The following EFR3A variants were observed in gnomAD, a reference collection of about 807,000 sequenced individuals.
The protein encoded by EFR3A is EFR3 homolog A.
Under a neutral mutation model 104.4 loss-of-function variants are expected in EFR3A, and 76 were observed. The ratio of observed to expected loss-of-function variants is 0.73; its 90% CI spans 0.60 to 0.88. The LOEUF (loss-of-function observed/expected upper bound fraction) is 0.88. Among genes scored for constraint, EFR3A ranks in the 40% least tolerant of loss-of-function variants. The pLI, the probability that EFR3A is intolerant of heterozygous loss-of-function variation, is 0.00. For synonymous variants in EFR3A, 330 were observed against 330.0 expected (o/e 1.00, Z 0.00); for missense variants, 985 against 1,012.5 (o/e 0.97, Z 0.37).
chr8:131,941,158 G>A (rs758949890), intron 2 of EFR3A, among the ~76,000 whole-genome samples: 1 of 151,872 alleles, frequency 6.6e-6, no homozygotes, highest in Non-Finnish European at 1.5e-5. Flanking sequence ...AGAACTGAGA[G>A]GTAAAGAAAG....
At chr8:131,910,421 G>A (rs113738890) in intron 1 of EFR3A, among the ~76,000 whole-genome samples, 16,727 of 152,160 alleles carry the variant, frequency 0.11, 1,066 homozygotes, top group South Asian at 0.22. Flanking sequence ...ACAGGTGTGC[G>A]CCACCACGCC....
Position 131,917,491 on chromosome 8 carries a change from T to C in EFR3A, c.10+13169T>C, listed in dbSNP as rs183437429. On this transcript the variant is annotated intron_variant, in intron 1 of 22. Coordinates refer to ENST00000254624, the MANE Select transcript of EFR3A (RefSeq NM_015137.6). Reference sequence around the variant, plus strand: ...TTTTGTACAGTGGTTCAGGGAAGATTAGAGAGGGTTGAGTATAATTGTGGT... The same window carrying C: ...TTTTGTACAGTGGTTCAGGGAAGATCAGAGAGGGTTGAGTATAATTGTGGT... Among the ~76,000 whole-genome samples, 18 of 152,350 alleles carry C rather than the reference T, an allele frequency of 1.2e-4. No individual in the cohort carries two copies. The East Asian group carries it at 3.3e-3, about 28-fold the overall frequency.
chr8:131,966,409 GCT>G (rs1301096262), intron 8 of EFR3A, among the ~76,000 whole-genome samples: 2 of 152,002 alleles, frequency 1.3e-5, no homozygotes, highest in African/African-American at 4.8e-5. Flanking sequence ...TGAATGAAAT[GCT>G]CTTTTGTCGT....
At chr8:131,906,937 G>A (rs533930657) in intron 1 of EFR3A, among the ~76,000 whole-genome samples, 4 of 152,232 alleles carry the variant, frequency 2.6e-5, no homozygotes, top group South Asian at 4.2e-4. Context: ...ACTCTGAATC[G>A]GAGTTTGAGT....
At chr8:131,984,060 GT>G in intron 14 of EFR3A, 78 bp from the exon 15 acceptor site, 1 of 1,304,800 alleles carries the variant, frequency 7.7e-7, no homozygotes, top group South Asian at 1.7e-5. Flanking sequence ...TAGCTACACT[GT>G]AAAAGTATAT....
At chr8:132,007,505 G>T (rs1395745856) in intron 22 of EFR3A, among the ~76,000 whole-genome samples, 2 of 151,820 alleles carry the variant, frequency 1.3e-5, no homozygotes, top group Non-Finnish European at 2.9e-5. Context: ...CATGTTCATG[G>T]ACTGAAGGAT....
At chr8:131,943,480 A>G (rs1170059381) in intron 2 of EFR3A, among the ~76,000 whole-genome samples, 1 of 152,032 alleles carries the variant, frequency 6.6e-6, no homozygotes, top group East Asian at 1.9e-4. Context: ...TAACTAACTG[A>G]TGGAGCCAGA....
chr8:132,003,334 A>C, intron 22 of EFR3A, 49 bp downstream of exon 22: 1 of 1,500,340 alleles, frequency 6.7e-7, no homozygotes, highest in Non-Finnish European at 9.2e-7. Flanking sequence ...CACGAATAGA[A>C]ACTGACAGAC....
chr8:131,908,480 G>T (rs1464680901), intron 1 of EFR3A, among the ~76,000 whole-genome samples: 1 of 152,188 alleles, frequency 6.6e-6, no homozygotes, highest in Non-Finnish European at 1.5e-5. Flanking sequence ...TTAGTAATAG[G>T]AAGTAATTAT....
intron 9 of EFR3A, among the ~76,000 whole-genome samples, chr8:131,969,738 A>G (rs1039969933): frequency 6.6e-6 from 1 of 152,162 alleles, no homozygotes; most frequent in Non-Finnish European, 1.5e-5. Context: ...AAAGTTATTT[A>G]ATTGCAAATA....
At chr8:131,966,985 TTTATAA>T (rs1157356110) in intron 8 of EFR3A, among the ~76,000 whole-genome samples, 2 of 152,184 alleles carry the variant, frequency 1.3e-5, no homozygotes, top group Non-Finnish European at 2.9e-5. Flanking sequence ...ATAGTCGTAC[TTTATAA>T]TTATTGATAA....
chr8:131,986,339 A>G (rs1820879924), intron 17 of EFR3A, 78 bp downstream of exon 17: 1 of 660,980 alleles, frequency 1.5e-6, no homozygotes, highest in African/African-American at 1.9e-5. Flanking sequence ...AGGAGTAAAT[A>G]TTGTTACAAT....
At chr8:131,982,477 T>C (rs1820664856) in intron 14 of EFR3A, among the ~76,000 whole-genome samples, 1 of 152,110 alleles carries the variant, frequency 6.6e-6, no homozygotes, top group Admixed American at 6.6e-5. Context: ...TGTATATAAC[T>C]CCCATTTCTC....
chr8:131,959,872 A>G (rs1037173040), intron 8 of EFR3A, among the ~76,000 whole-genome samples: 1 of 152,212 alleles, frequency 6.6e-6, no homozygotes, highest in East Asian at 1.9e-4. Context: ...AAATCATTCT[A>G]TCACGGTTCC....
chr8:131,940,713 T>C (rs1818128127), intron 2 of EFR3A, 138 bp downstream of exon 2: 1 of 1,356,392 alleles, frequency 7.4e-7, no homozygotes, highest in Non-Finnish European at 9.6e-7. Context: ...TTTTATACTT[T>C]TCTTTTTTTT....
rs561781173 is a variant in EFR3A at position 131,998,635 on chromosome 8, G to A, written c.2157+2138G>A. ...TAAAAGTTGCCATATATAAAAAGAT[G>A]TATATTATTATTTCTTCTAAATAAT... On this transcript the variant is annotated intron_variant, in intron 19 of 22. Transcript: ENST00000254624. 5.9e-5 allele frequency among the ~76,000 whole-genome samples: 9 copies of A among 152,024 alleles called. No individual in the cohort carries two copies. The South Asian group carries it at 6.2e-4, about 11-fold the overall frequency.
At chr8:131,947,480 T>C (rs1818496572) in intron 4 of EFR3A, among the ~76,000 whole-genome samples, 1 of 151,962 alleles carries the variant, frequency 6.6e-6, no homozygotes, top group African/African-American at 2.4e-5. Context: ...ACTTTCTTCA[T>C]GGTATGCTTT....
At chr8:132,005,838 A>G (rs972777514) in intron 22 of EFR3A, among the ~76,000 whole-genome samples, 1 of 152,188 alleles carries the variant, frequency 6.6e-6, no homozygotes, top group African/African-American at 2.4e-5. Context: ...CACATACAAC[A>G]TTCACAAAAT....
rs373042777 is a variant in EFR3A at position 132,002,939 on chromosome 8, T to C, written c.2310+233T>C. On this transcript the variant is annotated intron_variant, in intron 21 of 22. Transcript: ENST00000254624. ...TTTTCCCAAATTAAGTATTAGTGAT[T>C]GTTATTGTTTTGATAGTTTTTTGCA... Among the ~76,000 whole-genome samples the C allele has an allele frequency of 8.5e-5, 13 of 152,354 alleles. No homozygotes were observed. In the South Asian group the frequency reaches 1.4e-3, roughly 17 times the overall value.
Sources: allele counts gnomAD v4.1 joint callset (sites outside exome capture counted in the v4.1 genomes callset), GRCh38; gene constraint gnomAD v4.1.1; transcripts MANE v1.5; gene names NCBI Gene and HGNC (gene_info 2026-07-23, HGNC 2026-07-21).